The following TUB variants were observed in gnomAD, a reference collection of about 807,000 sequenced individuals.
TUB encodes TUB bipartite transcription factor.
A neutral mutation model predicts 59.7 loss-of-function variants in TUB; 33 were observed. That is an observed-to-expected ratio of 0.55 (90% confidence interval 0.42 to 0.74). TUB has a LOEUF of 0.74. Ranked by LOEUF, TUB falls within the 30% of genes least tolerant of loss-of-function variation. TUB has a pLI of 0.00. For synonymous variants in TUB, 293 were observed against 256.4 expected, an observed-to-expected ratio of 1.14 and a Z score of -1.36; for missense variants, 659 against 672.0, an observed-to-expected ratio of 0.98 and a Z score of 0.21.
intron 2 of TUB, among the ~76,000 whole-genome samples, chr11:8,071,825 C>G (rs1441122114): frequency 6.6e-6 from 1 of 152,224 alleles, no homozygotes; most frequent in Non-Finnish European, 1.5e-5. Flanking sequence ...GAGGCCCCTC[C>G]CACTGGGGAA....
intron 7 of TUB, 87 bp from the exon 8 acceptor site, chr11:8,097,627 A>G: frequency 7.4e-7 from 1 of 1,349,774 alleles, no homozygotes; most frequent in Non-Finnish European, 1.0e-6. Flanking sequence ...GAGCTGACGC[A>G]ACGGAGAGAG....
intron 2 of TUB, among the ~76,000 whole-genome samples, chr11:8,064,384 T>A (rs759807821): frequency 6.6e-6 from 1 of 152,158 alleles, no homozygotes; most frequent in Non-Finnish European, 1.5e-5. Context: ...GCCATAGGGA[T>A]AAACCAAATT....
rs956609344 is a variant in TUB at position 8,105,280 on chromosome 11, A to G, written c.*3661A>G. On this transcript the variant is annotated 3_prime_UTR_variant, in exon 12 of 12. Transcript: ENST00000299506. ...TTACACTTCTCCAGATAGCTGAATGAGTCTGCTTTCACTGTGACTGGGACC... is the reference window on the plus strand; with the variant it reads ...TTACACTTCTCCAGATAGCTGAATGGGTCTGCTTTCACTGTGACTGGGACC... The G allele has an allele frequency of 6.6e-6, 1 of 152,216 alleles. No homozygotes were observed. Among genetic ancestry groups the G allele is most frequent in the Non-Finnish European group, 1.5e-5 (1 of 68,052 alleles). The allele number at this position is 152,216 out of a possible 1,614,324, so 9.4% of individuals were successfully genotyped here. A position where few individuals can be genotyped will look rare whatever the true frequency, so the allele number is the denominator to read the frequency against.
intron 2 of TUB, among the ~76,000 whole-genome samples, chr11:8,046,648 C>T (rs1942837895): frequency 2.0e-5 from 3 of 152,200 alleles, no homozygotes; most frequent in African/African-American, 7.2e-5. Context: ...TAGGTCCTCA[C>T]GGTATTTAGT....
At chr11:8,068,541 T>A (rs1943293365) in intron 2 of TUB, 1 of 152,300 alleles carries the variant, frequency 6.6e-6, no homozygotes, top group African/African-American at 2.4e-5. Context: ...CCCTACTCAT[T>A]CCCCACGTGT....
At chr11:8,056,645 G>A (rs185842768) in intron 2 of TUB, among the ~76,000 whole-genome samples, 207 of 152,160 alleles carry the variant, frequency 1.4e-3, no homozygotes, top group Middle Eastern at 6.8e-3. Context: ...GTGTGGTTTG[G>A]GTATGCAGGT....
At chr11:8,046,649 G>A (rs998774539) in intron 2 of TUB, among the ~76,000 whole-genome samples, 1 of 152,066 alleles carries the variant, frequency 6.6e-6, no homozygotes, top group South Asian at 2.1e-4. Context: ...AGGTCCTCAC[G>A]GTATTTAGTC....
intron 2 of TUB, 42 bp from the exon 3 acceptor site, chr11:8,090,027 C>T (rs749614540): frequency 6.5e-7 from 1 of 1,539,218 alleles, no homozygotes; most frequent in Non-Finnish European, 8.8e-7. Context: ...CCCGCCCTTC[C>T]TGGTGGAGGC....
At position 8,052,717 on chromosome 11, in the gene TUB, C is replaced by T. The variant is rs371431233; in HGVS notation, c.203+13025C>T. ...ATCTCGATCTCCTGACCTCGTGATC[C>T]GGCCACCTTGGCCTCACAAAGTGCT... On this transcript the variant is annotated intron_variant, in intron 2 of 12. Coordinates refer to the TUB transcript ENST00000305253. Among the ~76,000 whole-genome samples the T allele has an allele frequency of 1.3e-4, 20 of 152,146 alleles. 1 individual carries two copies. The highest frequency in any genetic ancestry group is 6.2e-4 in the South Asian group (3 of 4,808).
chr11:8,098,409 G>A (rs561131659), intron 8 of TUB, among the ~76,000 whole-genome samples: 5 of 152,250 alleles, frequency 3.3e-5, no homozygotes, highest in Middle Eastern at 3.4e-3. Flanking sequence ...CTCTCTCCAC[G>A]GGTGCTAAGC....
upstream of TUB, chr11:8,038,484 C>T (rs537085445): frequency 2.2e-3 from 950 of 433,512 alleles, 1 homozygote; most frequent in Admixed American, 4.4e-3. Flanking sequence ...AATGTGTCCT[C>T]GGTGGTTCCT....
At chr11:8,048,599 C>T (rs1295696116) in intron 2 of TUB, among the ~76,000 whole-genome samples, 2 of 151,924 alleles carry the variant, frequency 1.3e-5, no homozygotes, top group Non-Finnish European at 2.9e-5. Flanking sequence ...GGAGACAGGG[C>T]CTCATTATGT....
rs11041709 is a variant in TUB at position 8,019,489 on chromosome 11, C to G, written c.56+131C>G. On this transcript the variant is annotated intron_variant, in intron 1 of 11. Transcript: ENST00000534099. ...CAGGGTGGGCTTGGGCACCCGGACCCTCGGGCATCCGGGACCCAGAGCCTC... is the reference window on the plus strand; with the variant it reads ...CAGGGTGGGCTTGGGCACCCGGACCGTCGGGCATCCGGGACCCAGAGCCTC... 3,706 of 911,966 alleles carry G rather than the reference C, an allele frequency of 4.1e-3. 95 individuals are homozygous for G. The African/African-American group carries it at 0.056, about 14-fold the overall frequency. The allele number at this position is 911,966 out of a possible 1,614,324, so 56.5% of individuals were successfully genotyped here.
chr11:8,023,902 A>G (rs1022276456), intron 1 of TUB, among the ~76,000 whole-genome samples: 8 of 152,228 alleles, frequency 5.3e-5, no homozygotes, highest in African/African-American at 1.9e-4. Flanking sequence ...TTCAGTGCCC[A>G]TATCAGTGAC....
At chr11:8,053,965 T>A (rs376424518) in intron 2 of TUB, among the ~76,000 whole-genome samples, 362 of 151,450 alleles carry the variant, frequency 2.4e-3, no homozygotes, top group African/African-American at 7.8e-3. Flanking sequence ...AATACAAAAA[T>A]ATTAGCCAGA....
chr11:8,066,290 G>A (rs60024227), intron 2 of TUB, among the ~76,000 whole-genome samples: 5,125 of 152,234 alleles, frequency 0.034, 303 homozygotes, highest in African/African-American at 0.11. Flanking sequence ...CTGCAGGAGC[G>A]TTACCAGAGG....
At position 8,081,508 on chromosome 11, in the gene TUB, G is replaced by C; in HGVS notation, c.-3G>C. ...CGCAGCCACCGCCCCGCCCCCGAGA[G>C]ACATGACTTCCAAGCCGCATTCCGA... On this transcript the variant is annotated 5_prime_UTR_variant, in exon 1 of 12. Transcript: ENST00000299506. The C allele has an allele frequency of 6.5e-7, 1 of 1,543,898 alleles. No individual in the cohort carries two copies.
At position 8,039,634 on chromosome 11, in the gene TUB, T is replaced by C. The variant is rs373215632; in HGVS notation, c.156-11T>C. On this transcript the variant is annotated splice_polypyrimidine_tract_variant and intron_variant, in intron 1 of 12. Coordinates refer to the TUB transcript ENST00000305253. ...AGGATGTGGAGAGTCACCCCTTCTT[T>C]TCCTCCTCAGGAGAACAACCAGGAG... 3 of 1,479,410 alleles carry C rather than the reference T, an allele frequency of 2.0e-6. No homozygotes were observed. Among genetic ancestry groups the C allele is most frequent in the Admixed American group, 2.4e-5 (1 of 42,544 alleles). The allele number at this position is 1,479,410 out of a possible 1,614,324, so 91.6% of individuals were successfully genotyped here. A position where few individuals can be genotyped will look rare whatever the true frequency, so the allele number is the denominator to read the frequency against.
At chr11:8,043,490 C>G (rs987651727) in intron 2 of TUB, among the ~76,000 whole-genome samples, 1 of 152,106 alleles carries the variant, frequency 6.6e-6, no homozygotes, top group African/African-American at 2.4e-5. Flanking sequence ...GAGATTGGAC[C>G]GAATCTGTAG....
Sources: gnomAD v4.1 joint callset for allele counts (sites outside exome capture counted in the v4.1 genomes callset) on GRCh38, gnomAD v4.1.1 for gene constraint, MANE v1.5 for transcripts, NCBI Gene and HGNC (gene_info 2026-07-23, HGNC 2026-07-21) for gene names.